SMIM35: variants seen among roughly 807,000 people sequenced by gnomAD.
SMIM35 encodes TMPRSS4 antisense RNA 1 (non-protein coding).
chr11:118,016,865 G>A (rs1342812438), intron 1 of SMIM35, among the ~76,000 whole-genome samples: 1 of 152,134 alleles, frequency 6.6e-6, no homozygotes, highest in Non-Finnish European at 1.5e-5. Flanking sequence ...CATTATTGTT[G>A]TTGTTGTCAT....
In SMIM35 at chr11:118,030,746, G is replaced by A. The variant is rs373189986; in HGVS notation, c.8-14937C>T. Among the ~76,000 whole-genome samples the A allele has an allele frequency of 8.5e-5, 13 of 152,154 alleles. No homozygotes were observed. In the East Asian group the frequency reaches 1.7e-3, roughly 20 times the overall value. ...AGGGAATGAGGTAGTCTAACCTGGA[G>A]CATCAGAGCCAAAGCAGGATGAGGA... On this transcript the variant is annotated intron_variant, in intron 1 of 4. Transcript: ENST00000689828.
chr11:118,059,646 C>T (rs1204335482), intron 1 of SMIM35: 1 of 152,200 alleles, frequency 6.6e-6, no homozygotes, highest in Admixed American at 6.5e-5. Flanking sequence ...CCTTGGGGTG[C>T]CCTGGGGTCC....
At chr11:118,078,844 C>T (rs1944901007) in intron 1 of SMIM35, among the ~76,000 whole-genome samples, 1 of 152,138 alleles carries the variant, frequency 6.6e-6, no homozygotes, top group South Asian at 2.1e-4. Context: ...CCCACGGAAA[C>T]GATATGACCC....
intron 1 of SMIM35, among the ~76,000 whole-genome samples, chr11:118,023,531 A>C (rs369945903): frequency 5.2e-5 from 6 of 114,778 alleles, no homozygotes; most frequent in African/African-American, 2.0e-4. Flanking sequence ...CAGTCCCCAG[A>C]GTGTGATGTT....
intron 1 of SMIM35, among the ~76,000 whole-genome samples, chr11:118,022,994 A>G (rs938604152): frequency 2.6e-5 from 4 of 151,302 alleles, no homozygotes; most frequent in African/African-American, 9.7e-5. Flanking sequence ...AACAAATCAT[A>G]AAACCAAGAC....
intron 1 of SMIM35, among the ~76,000 whole-genome samples, chr11:118,065,781 G>A (rs1944464957): frequency 6.6e-6 from 1 of 152,124 alleles, no homozygotes; most frequent in African/African-American, 2.4e-5. Context: ...TGTGGAGTGT[G>A]CTTTTGTTTT....
chr11:118,052,008 A>C (rs996297676), intron 1 of SMIM35, among the ~76,000 whole-genome samples: 13 of 152,148 alleles, frequency 8.5e-5, no homozygotes, highest in African/African-American at 3.1e-4. Context: ...GCCTCCCTAG[A>C]ACATGGCGCT....
At chr11:118,073,740 C>T (rs1175134266) in intron 1 of SMIM35, among the ~76,000 whole-genome samples, 4 of 152,224 alleles carry the variant, frequency 2.6e-5, no homozygotes, top group Non-Finnish European at 5.9e-5. Context: ...TGGCAATAGG[C>T]CTTGGACCTC....
At chr11:118,032,426 A>G (rs1046458003) in intron 1 of SMIM35, among the ~76,000 whole-genome samples, 5 of 152,214 alleles carry the variant, frequency 3.3e-5, no homozygotes, top group Admixed American at 1.3e-4. Flanking sequence ...TTAAAAGACT[A>G]TATATTTCAT....
chr11:118,014,846 G>C (rs1273913455), intron 2 of SMIM35, 105 bp from the exon 3 acceptor site: 2 of 397,546 alleles, frequency 5.0e-6, no homozygotes, highest in Non-Finnish European at 8.9e-6. Flanking sequence ...GGAGGAGTAG[G>C]GTGGCTGGGC....
intron 1 of SMIM35, among the ~76,000 whole-genome samples, chr11:118,067,860 CATATATATAT>C (rs57497227): frequency 0.015 from 1,185 of 80,784 alleles, 32 homozygotes; most frequent in East Asian, 0.053. Context: ...CAACAACAAA[CATATATATAT>C]ATATATATAT....
At chr11:118,029,323 G>T (rs186413014) in intron 1 of SMIM35, among the ~76,000 whole-genome samples, 23 of 152,322 alleles carry the variant, frequency 1.5e-4, no homozygotes, top group African/African-American at 5.0e-4. Flanking sequence ...AGGCATGGTG[G>T]CACACGCATG....
At chr11:118,065,159 A>G (rs1944452755) in intron 1 of SMIM35, among the ~76,000 whole-genome samples, 1 of 152,188 alleles carries the variant, frequency 6.6e-6, no homozygotes. Context: ...ACAGCGCCCA[A>G]ACCTGCCCTG....
intron 1 of SMIM35, among the ~76,000 whole-genome samples, chr11:118,051,129 T>C (rs1304945476): frequency 6.6e-6 from 1 of 152,152 alleles, no homozygotes; most frequent in Non-Finnish European, 1.5e-5. Flanking sequence ...ATCGGAGGCA[T>C]TGTCTTTTAT....
Position 118,015,739 on chromosome 11 carries a change from G to A in SMIM35, c.78C>T (p.Leu26=), listed in dbSNP as rs540762676. ...GGTACCACTTGGCCAGGCTGTAGCC[G>A]AGGATGGACACGAGCAGCAGCAAGA... ...VGLLLLLVSI[L]GYSLAKWYQR... is the part of the protein sequence containing the mutation. Residue 26 remains leucine (L), a synonymous_variant, in exon 2 of 5, where the codon CTC becomes CTT. Transcript: ENST00000689828. 15 of 399,622 alleles carry A rather than the reference G, an allele frequency of 3.8e-5. No individual in the cohort carries two copies. In the South Asian group the frequency reaches 1.0e-3, roughly 27 times the overall value. 24.8% of individuals were successfully genotyped at this position (399,622 alleles called of 1,614,324 possible).
chr11:118,077,316 G>T (rs1290672096), intron 1 of SMIM35: 2 of 1,598,346 alleles, frequency 1.3e-6, no homozygotes, highest in Admixed American at 3.4e-5. Context: ...GTGAGTGTGG[G>T]GCCCTCTGCT....
chr11:118,039,824 G>A (rs1302647580), intron 1 of SMIM35, among the ~76,000 whole-genome samples: 1 of 151,116 alleles, frequency 6.6e-6, no homozygotes, highest in African/African-American at 2.4e-5. Flanking sequence ...GCCGAGGCGG[G>A]ACTCGAGAAA....
intron 1 of SMIM35, among the ~76,000 whole-genome samples, chr11:118,042,541 T>C (rs1944021969): frequency 6.6e-6 from 1 of 152,198 alleles, no homozygotes; most frequent in Non-Finnish European, 1.5e-5. Context: ...AAAGAAGAAT[T>C]AATATCAGTT....
At chr11:118,055,880 G>A (rs989546307) in intron 1 of SMIM35, among the ~76,000 whole-genome samples, 1 of 152,026 alleles carries the variant, frequency 6.6e-6, no homozygotes, top group African/African-American at 2.4e-5. Context: ...AGGTAAACAT[G>A]GGGGCTTGGA....
Sources: allele counts gnomAD v4.1 joint callset (sites outside exome capture counted in the v4.1 genomes callset), GRCh38; gene constraint gnomAD v4.1.1; transcripts MANE v1.5; gene names NCBI Gene and HGNC (gene_info 2026-07-23, HGNC 2026-07-21).